The following KMO variants were observed in gnomAD, a reference collection of about 807,000 sequenced individuals.
KMO encodes kynurenine 3-monooxygenase.
A neutral mutation model predicts 57.8 loss-of-function variants in KMO; 24 were observed. That is an observed-to-expected ratio of 0.42 (90% CI 0.30 to 0.58). The LOEUF is 0.58. Among genes scored for constraint, KMO ranks in the 20% least tolerant of loss-of-function variants. The pLI is 0.22. For synonymous variants in KMO, 210 were observed against 193.6 expected (o/e 1.08, Z -0.70); for missense variants, 483 against 588.2 (o/e 0.82, Z 1.85).
At chr1:241,562,950 G>A (rs529468709) in intron 7 of KMO, among the ~76,000 whole-genome samples, 1 of 150,658 alleles carries the variant, frequency 6.6e-6, no homozygotes, top group African/African-American at 2.4e-5. Context: ...AGACGGGAAG[G>A]GAAGGGAAGG....
chr1:241,573,437 G>C (rs1233052544), intron 10 of KMO, among the ~76,000 whole-genome samples: 1 of 152,076 alleles, frequency 6.6e-6, no homozygotes, highest in Non-Finnish European at 1.5e-5. Context: ...TATCCATCTT[G>C]AGTTTATTTT....
At chr1:241,560,980 A>G (rs540467438) in intron 6 of KMO, among the ~76,000 whole-genome samples, 9 of 152,256 alleles carry the variant, frequency 5.9e-5, no homozygotes, top group Non-Finnish European at 4.4e-5. Flanking sequence ...TTCCTACTGT[A>G]CTGTATTCCA....
At chr1:241,551,951 A>T (rs1661407606) in intron 4 of KMO, among the ~76,000 whole-genome samples, 1 of 152,164 alleles carries the variant, frequency 6.6e-6, no homozygotes. Context: ...CACTGAGTTG[A>T]GAGTGAAATC....
intron 7 of KMO, 25 bp from the exon 8 acceptor site, chr1:241,564,962 C>T: frequency 1.3e-6 from 2 of 1,486,020 alleles, no homozygotes; most frequent in Non-Finnish European, 1.9e-6. Flanking sequence ...ATGCACTAAT[C>T]AATCATATAT....
intron 2 of KMO, among the ~76,000 whole-genome samples, chr1:241,549,286 A>G (rs1192178143): frequency 1.5e-3 from 187 of 124,944 alleles, no homozygotes; most frequent in African/African-American, 4.9e-3. Flanking sequence ...AGAAAGAAAG[A>G]AAGGAGAAAG....
At chr1:241,534,317 GAT>G (rs1445570130) in intron 1 of KMO, among the ~76,000 whole-genome samples, 1 of 152,160 alleles carries the variant, frequency 6.6e-6, no homozygotes, top group Non-Finnish European at 1.5e-5. Flanking sequence ...CCAAGGGAGA[GAT>G]AACAAATATG....
chr1:241,553,780 A>G (rs1661500886), intron 4 of KMO, among the ~76,000 whole-genome samples: 1 of 152,242 alleles, frequency 6.6e-6, no homozygotes, highest in African/African-American at 2.4e-5. Flanking sequence ...CTGTTGAAAT[A>G]CAGTCTATTA....
intron 10 of KMO, among the ~76,000 whole-genome samples, chr1:241,574,585 G>A (rs60278936): frequency 0.014 from 2,082 of 151,344 alleles, 58 homozygotes; most frequent in African/African-American, 0.048. Context: ...ACTTACATAT[G>A]TTAAACCATT....
chr1:241,539,375 C>G (rs1176232879), intron 1 of KMO, among the ~76,000 whole-genome samples: 1 of 104,018 alleles, frequency 9.6e-6, no homozygotes, highest in Non-Finnish European at 1.7e-5. Context: ...CGGAGTGAGA[C>G]TCCGTCTCAA....
chr1:241,555,675 T>C lies in KMO; in HGVS notation c.361+15T>C, dbSNP rs2147954834. The C allele has an allele frequency of 6.7e-7, 1 of 1,500,512 alleles. No homozygotes were observed. Among genetic ancestry groups the C allele is most frequent in the Non-Finnish European group, 9.3e-7 (1 of 1,079,114 alleles). The allele number at this position is 1,500,512 out of a possible 1,614,324, so 92.9% of individuals were successfully genotyped here. A position where few individuals can be genotyped will look rare whatever the true frequency, so the allele number is the denominator to read the frequency against. ...TCTATTGACTGGTAAGTCTAATGTT[T>C]GATTCATCAGTTGTCATTTTGAGTA... On this transcript the variant is annotated intron_variant, in intron 5 of 14. Coordinates refer to ENST00000366559, the MANE Select transcript of KMO (RefSeq NM_003679.5).
At position 241,593,480 on chromosome 1, in the gene KMO, A is replaced by C; in HGVS notation, c.*1327A>C. The C allele has an allele frequency of 3.1e-6, 1 of 325,662 alleles. No individual in the cohort carries two copies. Among genetic ancestry groups the C allele is most frequent in the South Asian group, 2.5e-5 (1 of 39,260 alleles). The allele number at this position is 325,662 out of a possible 1,614,324, so 20.2% of individuals were successfully genotyped here. A position where few individuals can be genotyped will look rare whatever the true frequency, so the allele number is the denominator to read the frequency against. ...TAAAATGATTCAGTGTTTCTTTTCT[A>C]TATTGTCAATGAAAACCTTGAGTTC... On this transcript the variant is annotated 3_prime_UTR_variant, in exon 15 of 15. Coordinates refer to ENST00000366559, the MANE Select transcript of KMO (RefSeq NM_003679.5).
chr1:241,563,576 G>A (rs1661959171), intron 7 of KMO, among the ~76,000 whole-genome samples: 1 of 152,100 alleles, frequency 6.6e-6, no homozygotes, highest in African/African-American at 2.4e-5. Flanking sequence ...TGCTCTCATG[G>A]CCCAGAATCT....
intron 1 of KMO, 130 bp from the exon 2 acceptor site, chr1:241,548,699 G>T (rs896356242): frequency 4.0e-6 from 2 of 496,480 alleles, no homozygotes; most frequent in Non-Finnish European, 7.1e-6. Flanking sequence ...GATAAATGAG[G>T]CTGGTAAAAT....
intron 10 of KMO, among the ~76,000 whole-genome samples, chr1:241,582,205 T>C (rs904722627): frequency 6.6e-6 from 1 of 152,206 alleles, no homozygotes; most frequent in African/African-American, 2.4e-5. Context: ...TTCTTTATCC[T>C]TGACCTTTGA....
At chr1:241,555,422 T>C (rs531491639) in intron 4 of KMO, among the ~76,000 whole-genome samples, 190 bp from the exon 5 acceptor site, 1 of 152,362 alleles carries the variant, frequency 6.6e-6, no homozygotes, top group African/African-American at 2.4e-5. Flanking sequence ...TTGGATATTG[T>C]ATTATATGTG....
At chr1:241,548,754 A>T (rs1661251092) in intron 1 of KMO, 75 bp from the exon 2 acceptor site, 2 of 848,500 alleles carry the variant, frequency 2.4e-6, no homozygotes, top group African/African-American at 1.7e-5. Context: ...GCCTCACATG[A>T]TGTTTCATTT....
rs1453334533 is a variant in KMO at position 241,595,475 on chromosome 1, CACTGAAAT to C, written c.*3323_*3330del. 6.6e-6 allele frequency: 1 copy of C among 152,206 alleles called. No individual in the cohort carries two copies. Among genetic ancestry groups the C allele is most frequent in the Non-Finnish European group, 1.5e-5 (1 of 68,054 alleles). The allele number at this position is 152,206 out of a possible 1,614,324, so 9.4% of individuals were successfully genotyped here. On this transcript the variant is annotated 3_prime_UTR_variant, in exon 15 of 15. Coordinates refer to ENST00000366559, the MANE Select transcript of KMO (RefSeq NM_003679.5). ...ATGAGCAATAAACTCTGTATTAATT[CACTGAAAT>C]GTTGGGGTTGCTTGTTATAGTAGTC...
intron 1 of KMO, 27 bp downstream of exon 1, chr1:241,532,525 T>C: frequency 6.5e-7 from 1 of 1,542,952 alleles, no homozygotes; most frequent in South Asian, 1.1e-5. Flanking sequence ...GGATTACTAT[T>C]GTTGGTGGTA....
chr1:241,539,640 T>C (rs1043278302), intron 1 of KMO, among the ~76,000 whole-genome samples: 8 of 152,206 alleles, frequency 5.3e-5, no homozygotes, highest in Admixed American at 1.3e-4. Context: ...CAAAGGAAGA[T>C]TGAGCAGGCT....
Sources: gnomAD v4.1 joint callset for allele counts (sites outside exome capture counted in the v4.1 genomes callset) on GRCh38, gnomAD v4.1.1 for gene constraint, MANE v1.5 for transcripts, NCBI Gene and HGNC (gene_info 2026-07-23, HGNC 2026-07-21) for gene names.